CYP4X1: variants seen among roughly 807,000 people sequenced by gnomAD.
CYP4X1 encodes cytochrome P450 family 4 subfamily X member 1, also known as cytochrome P450 4X1.
A neutral mutation model predicts 57.9 loss-of-function variants in CYP4X1; 44 were observed. The ratio of observed to expected loss-of-function variants is 0.76; its 90% CI spans 0.60 to 0.98. The LOEUF (loss-of-function observed/expected upper bound fraction) is 0.98. CYP4X1 is among the 50% of genes least tolerant of loss of function. The pLI is 0.00. For synonymous variants in CYP4X1, 227 were observed against 228.6 expected (o/e 0.99, Z 0.06); for missense variants, 532 against 623.9 (o/e 0.85, Z 1.57).
upstream of CYP4X1, among the ~76,000 whole-genome samples, chr1:47,021,626 C>A (rs1487052027): frequency 2.6e-5 from 4 of 152,218 alleles, no homozygotes; most frequent in Admixed American, 6.5e-5. Context: ...CTCTTCAACA[C>A]CTTCCAGCCT....
At chr1:47,001,455 C>T in the CYP4X1 span, among the ~76,000 whole-genome samples, 1 of 152,142 alleles carries the variant, frequency 6.6e-6, no homozygotes, top group South Asian at 2.1e-4. Context: ...ATCAGGCGTT[C>T]CCTTTATAGG....
chr1:46,976,631 AAC>A, the CYP4X1 span, among the ~76,000 whole-genome samples: 1 of 152,168 alleles, frequency 6.6e-6, no homozygotes, highest in South Asian at 2.1e-4. Context: ...TCTGAGAATG[AAC>A]AGACTGCCTC....
Position 47,023,878 on chromosome 1 carries a change from T to C in CYP4X1, c.61T>C (p.Cys21Arg), listed in dbSNP as rs749773055. 2.4e-5 allele frequency: 39 copies of C among 1,613,616 alleles called. No homozygotes were observed. The highest frequency in any genetic ancestry group is 1.7e-4 in the Middle Eastern group (1 of 5,748). ...ARPFYLAFVF[C>R]LALGLLQAIK... Reference sequence around the variant, plus strand: ...GCCCTTTTACCTGGCGTTCGTGTTCTGCCTGGCCCTGGGGCTGCTGCAGGC... The same window carrying C: ...GCCCTTTTACCTGGCGTTCGTGTTCCGCCTGGCCCTGGGGCTGCTGCAGGC... The change falls in exon 1 of 12, where the codon TGC becomes CGC. Residue 21 changes from cysteine (C) to arginine (R), a missense_variant. Physicochemically the swap from Cys to Arg is radical, Grantham distance 180. Coordinates refer to ENST00000371901, the MANE Select transcript of CYP4X1 (RefSeq NM_178033.2).
chr1:46,977,310 C>G, the CYP4X1 span, among the ~76,000 whole-genome samples: 1 of 152,078 alleles, frequency 6.6e-6, no homozygotes, highest in African/African-American at 2.4e-5. Context: ...AACCATGGCA[C>G]GAGAACTATG....
chr1:46,970,275 AGACCCACT>A, the CYP4X1 span, among the ~76,000 whole-genome samples: 2 of 152,244 alleles, frequency 1.3e-5, no homozygotes, highest in Non-Finnish European at 2.9e-5. Flanking sequence ...GAAATTTGGA[AGACCCACT>A]GACAGTAAAT....
chr1:47,034,337 T>A (rs11211421), intron 4 of CYP4X1, among the ~76,000 whole-genome samples: 1 of 151,976 alleles, frequency 6.6e-6, no homozygotes. Context: ...TCAAAGGGGC[T>A]GAAGAACATT....
At chr1:46,994,860 A>T in the CYP4X1 span, among the ~76,000 whole-genome samples, 1,715 of 152,346 alleles carry the variant, frequency 0.011, 16 homozygotes, top group Middle Eastern at 0.02. Context: ...TTAGGAATTT[A>T]TAGTCTAATT....
the CYP4X1 span, among the ~76,000 whole-genome samples, chr1:46,970,499 G>T: frequency 6.6e-6 from 1 of 152,186 alleles, no homozygotes; most frequent in Non-Finnish European, 1.5e-5. Flanking sequence ...CATACAGGAA[G>T]ACTCACCTTG....
chr1:47,025,304 T>C (rs1467120410), intron 1 of CYP4X1, among the ~76,000 whole-genome samples: 1 of 152,190 alleles, frequency 6.6e-6, no homozygotes, highest in Admixed American at 6.5e-5. Flanking sequence ...GTGGAAGCCG[T>C]CTGAGATCCT....
intron 9 of CYP4X1, 83 bp downstream of exon 9, chr1:47,046,683 G>A: frequency 6.3e-7 from 1 of 1,588,932 alleles, no homozygotes; most frequent in Non-Finnish European, 8.6e-7. Flanking sequence ...GAGTCTCTTA[G>A]CACTTGGAGA....
At chr1:46,981,372 C>T in the CYP4X1 span, among the ~76,000 whole-genome samples, 1 of 152,100 alleles carries the variant, frequency 6.6e-6, no homozygotes, top group East Asian at 1.9e-4. Context: ...CCAAAAGACA[C>T]ATGAAAAAAA....
the CYP4X1 span, among the ~76,000 whole-genome samples, chr1:47,006,706 A>T: frequency 3.8e-3 from 586 of 152,298 alleles, 1 homozygote; most frequent in African/African-American, 0.013. Context: ...GACAGACGGC[A>T]CCTGGAAAAT....
chr1:47,008,499 GA>G, the CYP4X1 span, among the ~76,000 whole-genome samples: 1 of 152,156 alleles, frequency 6.6e-6, no homozygotes, highest in Admixed American at 6.5e-5. Flanking sequence ...TCAAGGGCAG[GA>G]AAAAACTGCA....
At chr1:47,055,357 T>C (rs79795868), downstream of CYP4X1, among the ~76,000 whole-genome samples, 63,327 of 151,612 alleles carry the variant, frequency 0.42, 14,499 homozygotes, top group East Asian at 0.97. Context: ...TGATGATCAT[T>C]AAGGATATTG....
At chr1:46,976,945 C>T in the CYP4X1 span, among the ~76,000 whole-genome samples, 9 of 152,072 alleles carry the variant, frequency 5.9e-5, no homozygotes, top group Non-Finnish European at 1.2e-4. Flanking sequence ...AAAAAGGACA[C>T]CCACACCAAA....
the CYP4X1 span, among the ~76,000 whole-genome samples, chr1:46,969,669 A>G: frequency 6.6e-6 from 1 of 152,254 alleles, no homozygotes; most frequent in South Asian, 2.1e-4. Context: ...AGAAGCAATT[A>G]TAGAGTGTAC....
At chr1:47,030,222 TG>T (rs1379140495) in intron 2 of CYP4X1, 91 bp downstream of exon 2, 1 of 1,497,602 alleles carries the variant, frequency 6.7e-7, no homozygotes, top group Non-Finnish European at 9.0e-7. Context: ...AAGATTGGTT[TG>T]GGGCCTTTAA....
the CYP4X1 span, among the ~76,000 whole-genome samples, chr1:46,969,507 C>T: frequency 1.3e-5 from 2 of 152,266 alleles, no homozygotes; most frequent in South Asian, 4.1e-4. Flanking sequence ...TCTGGAAGAA[C>T]AATTTGCTTA....
chr1:46,967,609 G>C, the CYP4X1 span: 1 of 335,736 alleles, frequency 3.0e-6, no homozygotes. Flanking sequence ...TAGAAAGCAG[G>C]ATGTGGGCAG....
Sources: gnomAD v4.1 joint callset for allele counts (sites outside exome capture counted in the v4.1 genomes callset) on GRCh38, gnomAD v4.1.1 for gene constraint, MANE v1.5 for transcripts, NCBI Gene and HGNC (gene_info 2026-07-23, HGNC 2026-07-21) for gene names.